STXBP4: variants seen among roughly 807,000 people sequenced by gnomAD.
STXBP4 encodes the protein syntaxin binding protein 4.
In STXBP4, 55 loss-of-function variants were observed where a neutral mutation model predicts 76.1. The ratio of observed to expected loss-of-function variants is 0.72; its 90% CI spans 0.58 to 0.91. STXBP4 has a LOEUF of 0.91. Ranked by LOEUF, STXBP4 falls within the 40% of genes least tolerant of loss-of-function variation. The pLI is 0.00. For synonymous variants in STXBP4, 201 were observed against 220.2 expected (o/e 0.91, Z 0.77); for missense variants, 618 against 636.9 (o/e 0.97, Z 0.32).
chr17:55,124,392 T>G (rs1411804390), intron 16 of STXBP4, among the ~76,000 whole-genome samples: 3 of 152,214 alleles, frequency 2.0e-5, no homozygotes, highest in Non-Finnish European at 4.4e-5. Flanking sequence ...CAGAATAGAC[T>G]GTGATATTTA....
At chr17:55,147,598 A>G (rs1332156850) in intron 17 of STXBP4, among the ~76,000 whole-genome samples, 1 of 152,228 alleles carries the variant, frequency 6.6e-6, no homozygotes, top group Non-Finnish European at 1.5e-5. Flanking sequence ...ATGCCTTTAT[A>G]TCAGATCCTA....
intron 3 of STXBP4, among the ~76,000 whole-genome samples, chr17:54,986,765 A>G (rs1208941236): frequency 6.6e-6 from 1 of 152,230 alleles, no homozygotes; most frequent in African/African-American, 2.4e-5. Context: ...TATATAGATT[A>G]ACTCTTGCTG....
At chr17:55,003,900 G>C (rs535744247) in intron 7 of STXBP4, among the ~76,000 whole-genome samples, 1 of 152,022 alleles carries the variant, frequency 6.6e-6, no homozygotes, top group African/African-American at 2.4e-5. Flanking sequence ...AGCCAGGTGC[G>C]GTGGCTCACA....
chr17:55,102,329 A>G (rs941177103), intron 16 of STXBP4, among the ~76,000 whole-genome samples: 4 of 151,890 alleles, frequency 2.6e-5, no homozygotes, highest in African/African-American at 7.3e-5. Context: ...CCCTGTGTCC[A>G]TGTGTTCTCG....
At chr17:54,969,076 A>C (rs139435064) in intron 1 of STXBP4, among the ~76,000 whole-genome samples, 1 of 152,004 alleles carries the variant, frequency 6.6e-6, no homozygotes, top group African/African-American at 2.4e-5. Flanking sequence ...TTCAAGTATC[A>C]CCTCTCTCAG....
intron 1 of STXBP4, among the ~76,000 whole-genome samples, chr17:54,978,271 A>G (rs1374176777): frequency 6.6e-6 from 1 of 152,156 alleles, no homozygotes; most frequent in East Asian, 1.9e-4. Flanking sequence ...TGGCTGCTCA[A>G]AGTCATATGT....
intron 17 of STXBP4, 81 bp from the exon 18 acceptor site, chr17:55,159,716 A>G: frequency 1.2e-6 from 1 of 869,486 alleles, no homozygotes; most frequent in Non-Finnish European, 1.8e-6. Context: ...GGGTAGAAGC[A>G]ATGTCACCAG....
chr17:55,078,051 A>G, intron 13 of STXBP4, 27 bp from the exon 14 acceptor site: 1 of 1,446,576 alleles, frequency 6.9e-7, no homozygotes, highest in South Asian at 1.3e-5. Flanking sequence ...GAAATGTGTA[A>G]ATGCTCCTTT....
chr17:55,202,782 T>C, the STXBP4 span, among the ~76,000 whole-genome samples: 1 of 152,158 alleles, frequency 6.6e-6, no homozygotes, highest in East Asian at 1.9e-4. Context: ...TGATGGAAAT[T>C]ATTGATCTTT....
chr17:55,157,474 T>C (rs2080292084), intron 17 of STXBP4, among the ~76,000 whole-genome samples: 1 of 152,196 alleles, frequency 6.6e-6, no homozygotes, highest in Admixed American at 6.5e-5. Context: ...GCCTCCATAA[T>C]AAGAAATTCC....
rs75610294 is a variant in STXBP4, at chr17:55,074,656, C to T, written c.1188+1580C>T. 5.9e-5 allele frequency among the ~76,000 whole-genome samples: 9 copies of T among 152,156 alleles called. No homozygotes were observed. The East Asian group carries it at 1.5e-3, about 26-fold the overall frequency. On this transcript the variant is annotated intron_variant, in intron 13 of 17. Coordinates refer to ENST00000376352, the MANE Select transcript of STXBP4 (RefSeq NM_178509.6). Reference sequence around the variant, plus strand: ...TTTAAGCTTGGGTTATTTGTAATCTCTCTTCCAGCTCTTAACTGAGAAACA... The same window carrying T: ...TTTAAGCTTGGGTTATTTGTAATCTTTCTTCCAGCTCTTAACTGAGAAACA...
chr17:55,045,710 C>T (rs1177996173), intron 11 of STXBP4, among the ~76,000 whole-genome samples: 1 of 151,954 alleles, frequency 6.6e-6, no homozygotes, highest in Non-Finnish European at 1.5e-5. Flanking sequence ...AACCAGCTAG[C>T]TCAGTTGGTT....
At chr17:54,995,654 C>T (rs2077789370) in intron 4 of STXBP4, among the ~76,000 whole-genome samples, 1 of 152,168 alleles carries the variant, frequency 6.6e-6, no homozygotes, top group Non-Finnish European at 1.5e-5. Flanking sequence ...AATCTGTTTT[C>T]ATGCGGAGCA....
chr17:55,041,890 A>C (rs1267232108), intron 10 of STXBP4, among the ~76,000 whole-genome samples: 2 of 152,196 alleles, frequency 1.3e-5, no homozygotes, highest in East Asian at 3.8e-4. Flanking sequence ...TATCCTTTGG[A>C]ACACACTCTG....
intron 4 of STXBP4, among the ~76,000 whole-genome samples, chr17:54,997,995 C>G (rs542392603): frequency 6.6e-6 from 1 of 152,134 alleles, no homozygotes; most frequent in African/African-American, 2.4e-5. Flanking sequence ...TAATCTTTTA[C>G]ACACTATTTG....
chr17:55,022,357 G>A (rs1417824834), intron 8 of STXBP4, among the ~76,000 whole-genome samples: 1 of 151,746 alleles, frequency 6.6e-6, no homozygotes, highest in Admixed American at 6.6e-5. Flanking sequence ...CAATGAAGGA[G>A]GTTGTCAGAA....
At chr17:55,106,389 C>T (rs1274631850) in intron 16 of STXBP4, among the ~76,000 whole-genome samples, 1 of 151,928 alleles carries the variant, frequency 6.6e-6, no homozygotes, top group Non-Finnish European at 1.5e-5. Context: ...GAATGCAGCA[C>T]ACTAATGGAT....
At chr17:55,021,662 G>A (rs1016467016) in intron 8 of STXBP4, among the ~76,000 whole-genome samples, 1 of 151,878 alleles carries the variant, frequency 6.6e-6, no homozygotes, top group Non-Finnish European at 1.5e-5. Flanking sequence ...AGGTGTTTGT[G>A]GATGTTATTG....
At chr17:55,048,581 A>G (rs2078820957) in intron 12 of STXBP4, among the ~76,000 whole-genome samples, 1 of 151,750 alleles carries the variant, frequency 6.6e-6, no homozygotes, top group African/African-American at 2.4e-5. Context: ...CACATCTCAA[A>G]TGAGAAACTT....
Sources: gnomAD v4.1 joint callset for allele counts (sites outside exome capture counted in the v4.1 genomes callset) on GRCh38, gnomAD v4.1.1 for gene constraint, MANE v1.5 for transcripts, NCBI Gene and HGNC (gene_info 2026-07-23, HGNC 2026-07-21) for gene names.